PRH1: variants seen among roughly 807,000 people sequenced by gnomAD.
PRH1 encodes the protein salivary acidic proline-rich phosphoprotein 1/2.
In PRH1, 7 loss-of-function variants were observed where a neutral mutation model predicts 7.9. The ratio of observed to expected loss-of-function variants is 0.89; its 90% CI spans 0.50 to 1.67. The LOEUF is 1.67. Among genes scored for constraint, PRH1 ranks in the 40% most tolerant of loss-of-function variants. The pLI, the probability that PRH1 is intolerant of heterozygous loss-of-function variation, is 0.00. For synonymous variants in PRH1, 45 were observed against 80.8 expected, an observed-to-expected ratio of 0.56 and a Z score of 2.38; for missense variants, 109 against 223.6, an observed-to-expected ratio of 0.49 and a Z score of 3.27.
At chr12:10,984,682 T>G (rs1939518147) in intron 1 of PRH1, among the ~76,000 whole-genome samples, 2 of 152,054 alleles carry the variant, frequency 1.3e-5, no homozygotes, top group South Asian at 4.1e-4. Flanking sequence ...TCCCAAGGTT[T>G]AGATAATATT....
intron 2 of PRH1, chr12:10,932,393 C>T (rs1950226652): frequency 3.1e-5 from 7 of 228,516 alleles, no homozygotes; most frequent in African/African-American, 8.8e-5. Context: ...ATTGTAAGAA[C>T]ATCCAGGACC....
chr12:11,112,465 C>T (rs1224306154), intron 1 of PRH1, among the ~76,000 whole-genome samples: 3 of 152,012 alleles, frequency 2.0e-5, no homozygotes, highest in East Asian at 3.9e-4. Context: ...AAGATCAAGT[C>T]GTCTTCAACC....
chr12:10,927,811 C>T (rs1950143926), intron 2 of PRH1, among the ~76,000 whole-genome samples: 1 of 152,168 alleles, frequency 6.6e-6, no homozygotes, highest in African/African-American at 2.4e-5. Context: ...TGAAAAATTA[C>T]ACAAGGCCTA....
chr12:10,917,539 T>A (rs1011952405), intron 2 of PRH1, among the ~76,000 whole-genome samples: 5 of 152,210 alleles, frequency 3.3e-5, no homozygotes, highest in Non-Finnish European at 7.3e-5. Context: ...TTTTAGTTTT[T>A]TATAAGAGCC....
At chr12:11,116,627 A>C (rs1408128213), downstream of PRH1, among the ~76,000 whole-genome samples, 4 of 152,112 alleles carry the variant, frequency 2.6e-5, no homozygotes, top group Non-Finnish European at 5.9e-5. Flanking sequence ...TCTAAAAAGG[A>C]AAACAACAAG....
intron 1 of PRH1, among the ~76,000 whole-genome samples, chr12:11,110,639 A>C (rs4763628): frequency 0.29 from 44,045 of 152,100 alleles, 8,263 homozygotes; most frequent in East Asian, 0.74. Flanking sequence ...GCCTCACAAG[A>C]GCTTCTGAAG....
chr12:11,015,859 C>T (rs576257778), intron 1 of PRH1, among the ~76,000 whole-genome samples: 3 of 152,288 alleles, frequency 2.0e-5, no homozygotes, highest in African/African-American at 7.2e-5. Context: ...TCCTTTTGTT[C>T]CCTGTTTCCT....
chr12:10,918,793 G>A (rs181202633), intron 2 of PRH1, among the ~76,000 whole-genome samples: 122 of 152,234 alleles, frequency 8.0e-4, no homozygotes, highest in Non-Finnish European at 1.4e-3. Flanking sequence ...TTGTTTAAAT[G>A]TGAGGCTGAA....
intron 1 of PRH1, among the ~76,000 whole-genome samples, chr12:11,124,720 A>G (rs1946050474): frequency 6.6e-6 from 1 of 152,278 alleles, no homozygotes; most frequent in African/African-American, 2.4e-5. Context: ...GTAGATGATT[A>G]TAATAATGAT....
chr12:10,886,749 C>G (rs1252134393), upstream of PRH1, among the ~76,000 whole-genome samples: 1 of 152,200 alleles, frequency 6.6e-6, no homozygotes, highest in Non-Finnish European at 1.5e-5. Context: ...TTTTCTCGGT[C>G]ACTGACAGGT....
At chr12:11,149,216 G>C (rs893898804) in intron 1 of PRH1, among the ~76,000 whole-genome samples, 74 of 151,552 alleles carry the variant, frequency 4.9e-4, no homozygotes, top group Middle Eastern at 3.4e-3. Flanking sequence ...TATCAATTTT[G>C]TTGATCCTTT....
chr12:10,909,934 A>G (rs981765471), intron 2 of PRH1, among the ~76,000 whole-genome samples: 4 of 152,202 alleles, frequency 2.6e-5, no homozygotes, highest in African/African-American at 9.7e-5. Flanking sequence ...ATCACTACTT[A>G]GCAGTGCTCA....
At chr12:10,955,645 G>A (rs1197629546) in intron 2 of PRH1, among the ~76,000 whole-genome samples, 1 of 151,824 alleles carries the variant, frequency 6.6e-6, no homozygotes, top group Non-Finnish European at 1.5e-5. Context: ...TCCAGGATTT[G>A]ATGTTTTTAA....
At chr12:10,944,383 T>C (rs1416565957) in intron 2 of PRH1, among the ~76,000 whole-genome samples, 6 of 152,178 alleles carry the variant, frequency 3.9e-5, no homozygotes, top group East Asian at 1.9e-4. Context: ...TGTTGGTTTA[T>C]AGGAATACAA....
At chr12:11,107,759 A>C (rs1278795776) in intron 1 of PRH1, among the ~76,000 whole-genome samples, 1 of 152,246 alleles carries the variant, frequency 6.6e-6, no homozygotes, top group African/African-American at 2.4e-5. Context: ...TGGTCAATTG[A>C]TTTCAAAAAA....
At chr12:10,928,532 C>A (rs1950154957) in intron 2 of PRH1, among the ~76,000 whole-genome samples, 1 of 152,180 alleles carries the variant, frequency 6.6e-6, no homozygotes, top group African/African-American at 2.4e-5. Context: ...CTTTAATAAT[C>A]CCTAAAGATA....
chr12:10,895,840 T>C (rs966432671), intron 2 of PRH1: 3 of 152,200 alleles, frequency 2.0e-5, no homozygotes, highest in African/African-American at 7.2e-5. Context: ...TGAATTACAC[T>C]ACAAGAATTC....
chr12:10,996,844 T>G, intron 1 of PRH1: 2 of 1,160,946 alleles, frequency 1.7e-6, no homozygotes, highest in Non-Finnish European at 2.3e-6. Flanking sequence ...TGGAAATTAC[T>G]CAAATACATA....
At chr12:11,042,711 G>A (rs927294796) in intron 1 of PRH1, among the ~76,000 whole-genome samples, 3 of 138,504 alleles carry the variant, frequency 2.2e-5, no homozygotes, top group Non-Finnish European at 4.6e-5. Context: ...CTCACTGCAA[G>A]CGCCACCTCC....
Sources: allele counts gnomAD v4.1 joint callset (sites outside exome capture counted in the v4.1 genomes callset), GRCh38; gene constraint gnomAD v4.1.1; transcripts MANE v1.5; gene names NCBI Gene and HGNC (gene_info 2026-07-23, HGNC 2026-07-21).